Variants in NIBAN1 observed in about 807,000 individuals in gnomAD.
The protein encoded by NIBAN1 is protein Niban 1.
In NIBAN1, 81 loss-of-function variants were observed where a neutral mutation model predicts 75.1. The ratio of observed to expected loss-of-function variants is 1.08; its 90% CI spans 0.90 to 1.30. NIBAN1 has a LOEUF of 1.30. NIBAN1 is among the 50% of genes most tolerant of loss of function. The pLI, the probability that NIBAN1 is intolerant of heterozygous loss-of-function variation, is 0.00. For synonymous variants in NIBAN1, 436 were observed against 424.8 expected (o/e 1.03, Z -0.32); for missense variants, 1,133 against 1,128.1 (o/e 1.00, Z -0.06).
At chr1:184,943,653 A>G (rs1656641689) in intron 1 of NIBAN1, among the ~76,000 whole-genome samples, 1 of 152,154 alleles carries the variant, frequency 6.6e-6, no homozygotes, top group Non-Finnish European at 1.5e-5. Flanking sequence ...ACTGCAAATT[A>G]TTGTTCAAAA....
At chr1:184,888,935 T>G (rs1354299013) in intron 4 of NIBAN1, among the ~76,000 whole-genome samples, 1 of 152,268 alleles carries the variant, frequency 6.6e-6, no homozygotes, top group Non-Finnish European at 1.5e-5. Context: ...ATGGTCCATG[T>G]ACCAATCCTG....
intron 5 of NIBAN1, among the ~76,000 whole-genome samples, chr1:184,870,581 G>A (rs546084148): frequency 2.0e-5 from 3 of 152,218 alleles, no homozygotes; most frequent in Non-Finnish European, 2.9e-5. Flanking sequence ...GTCATTTCCC[G>A]CAAGGTCAAG....
intron 1 of NIBAN1, among the ~76,000 whole-genome samples, chr1:184,964,626 C>T (rs1168795497): frequency 6.6e-6 from 1 of 152,150 alleles, no homozygotes; most frequent in Non-Finnish European, 1.5e-5. Context: ...ATGCAATGCT[C>T]TTAGCTCAGT....
At chr1:184,946,122 GT>G in intron 1 of NIBAN1, among the ~76,000 whole-genome samples, 1 of 152,280 alleles carries the variant, frequency 6.6e-6, no homozygotes, top group East Asian at 1.9e-4. Flanking sequence ...CATTCTAATG[GT>G]TATGTTAGGC....
At chr1:184,957,199 T>C (rs1300885800) in intron 1 of NIBAN1, among the ~76,000 whole-genome samples, 2 of 152,258 alleles carry the variant, frequency 1.3e-5, no homozygotes, top group Non-Finnish European at 2.9e-5. Context: ...AGCACAGCAC[T>C]GGGGTTGCTC....
chr1:184,839,617 C>T (rs573819094), intron 5 of NIBAN1, among the ~76,000 whole-genome samples: 4 of 149,926 alleles, frequency 2.7e-5, no homozygotes, highest in South Asian at 2.1e-4. Flanking sequence ...TTTTTTGAGA[C>T]GTAGTTTCAC....
rs578074111 is a variant in NIBAN1 at position 184,957,095 on chromosome 1, G to A, written c.55+17207C>T. On this transcript the variant is annotated intron_variant, in intron 1 of 13. Coordinates refer to ENST00000367511, the MANE Select transcript of NIBAN1 (RefSeq NM_052966.4). ...ACAACACAAAAAGACTCCCACCATC[G>A]CTGGTTTCAAGCTATCAATGTGATA... 8.5e-5 allele frequency among the ~76,000 whole-genome samples: 13 copies of A among 152,330 alleles called. No homozygotes were observed. In the South Asian group the frequency reaches 2.5e-3, roughly 29 times the overall value.
In NIBAN1 at chr1:184,845,938, C is replaced by T. The variant is rs1452998311; in HGVS notation, c.602-13976G>A. Among the ~76,000 whole-genome samples, 2 of 80,348 alleles carry T rather than the reference C, an allele frequency of 2.5e-5. 1 individual carries two copies. The highest frequency in any genetic ancestry group is 5.0e-5 in the Non-Finnish European group (2 of 40,208). 52.7% of individuals were successfully genotyped at this position (80,348 alleles called of 152,430 possible). The stretch of plus-strand genomic sequence containing the variant: ...GACCAGCTTAAGAAACGGCGCACCA[C>T]GAGACTATATCCCACACCTGGCTCA... On this transcript the variant is annotated intron_variant, in intron 5 of 13. Transcript: ENST00000367511.
intron 5 of NIBAN1, among the ~76,000 whole-genome samples, chr1:184,882,655 C>A (rs1309210936): frequency 6.6e-6 from 1 of 152,092 alleles, no homozygotes; most frequent in African/African-American, 2.4e-5. Flanking sequence ...TAAATGCAGG[C>A]TACATAACAT....
intron 1 of NIBAN1, among the ~76,000 whole-genome samples, chr1:184,907,236 G>A (rs564434628): frequency 2.0e-5 from 3 of 151,038 alleles, no homozygotes; most frequent in South Asian, 2.1e-4. Flanking sequence ...AAAAAATCAC[G>A]ACTTTCAGAT....
Position 184,967,458 on chromosome 1 carries a change from T to A in NIBAN1, c.55+6844A>T, listed in dbSNP as rs117757834. 3.6e-4 allele frequency among the ~76,000 whole-genome samples: 55 copies of A among 152,332 alleles called. 2 individuals are homozygous for A. The East Asian group carries it at 0.011, about 29-fold the overall frequency. On this transcript the variant is annotated intron_variant, in intron 1 of 13. Transcript: ENST00000367511. ...AAAATTAAAATTTCTGATTAGGAGA[T>A]TAAAGTTCACTGCCATGATTCACAC...
intron 1 of NIBAN1, among the ~76,000 whole-genome samples, chr1:184,913,668 T>C (rs1380166836): frequency 6.6e-6 from 1 of 152,186 alleles, no homozygotes; most frequent in Admixed American, 6.5e-5. Context: ...CAAACCAACA[T>C]TCAATAATAT....
chr1:184,881,500 G>A (rs1219791901), intron 5 of NIBAN1, among the ~76,000 whole-genome samples: 1 of 152,138 alleles, frequency 6.6e-6, no homozygotes, highest in Non-Finnish European at 1.5e-5. Flanking sequence ...TACAGGAAAG[G>A]GGTCCCGATC....
chr1:184,897,934 C>T lies in NIBAN1; in HGVS notation c.186+1245G>A, dbSNP rs1656842950. On this transcript the variant is annotated intron_variant, in intron 2 of 13. Transcript: ENST00000367511. Reference sequence around the variant, plus strand: ...CTCAGATGCTACAGTATCCTGCTCCCCAGTTTCCATTCTCCCCTCTCGCCC... The same window carrying T: ...CTCAGATGCTACAGTATCCTGCTCCTCAGTTTCCATTCTCCCCTCTCGCCC... Among the ~76,000 whole-genome samples, 11 of 152,298 alleles carry T rather than the reference C, an allele frequency of 7.2e-5. No homozygotes were observed. The South Asian group carries it at 2.3e-3, about 32-fold the overall frequency.
intron 5 of NIBAN1, among the ~76,000 whole-genome samples, chr1:184,864,197 G>A (rs755899743): frequency 1.3e-5 from 2 of 151,956 alleles, no homozygotes; most frequent in Non-Finnish European, 2.9e-5. Flanking sequence ...GGTTTCCTAC[G>A]GACAATAATG....
chr1:184,867,378 T>C (rs1184404574), intron 5 of NIBAN1, among the ~76,000 whole-genome samples: 1 of 152,210 alleles, frequency 6.6e-6, no homozygotes, highest in Non-Finnish European at 1.5e-5. Context: ...ACCACCTATG[T>C]TCTTAGCAAG....
intron 1 of NIBAN1, among the ~76,000 whole-genome samples, chr1:184,936,022 A>G (rs1246493266): frequency 1.1e-5 from 1 of 91,380 alleles, no homozygotes; most frequent in South Asian, 3.9e-4. Context: ...GTGATAGATG[A>G]AAAAAAAAAA....
At chr1:184,853,973 C>G (rs894396834) in intron 5 of NIBAN1, among the ~76,000 whole-genome samples, 1 of 151,578 alleles carries the variant, frequency 6.6e-6, no homozygotes, top group South Asian at 2.1e-4. Flanking sequence ...TTATAGTAGC[C>G]ATATCAAAAA....
Position 184,935,744 on chromosome 1 carries a change from A to G in NIBAN1, c.56-36435T>C, listed in dbSNP as rs1446738222. Reference sequence around the variant, plus strand: ...GGAAAAAGAAAGCCTAGTTGGGTAAATTTCAAGGTCTGAATCTAGGGACAC... The same window carrying G: ...GGAAAAAGAAAGCCTAGTTGGGTAAGTTTCAAGGTCTGAATCTAGGGACAC... On this transcript the variant is annotated intron_variant, in intron 1 of 13. Coordinates refer to ENST00000367511, the MANE Select transcript of NIBAN1 (RefSeq NM_052966.4). 2.0e-5 allele frequency among the ~76,000 whole-genome samples: 3 copies of G among 151,768 alleles called. No homozygotes were observed. In the East Asian group the frequency reaches 5.8e-4, roughly 29 times the overall value.
Sources: gnomAD v4.1 joint callset for allele counts (sites outside exome capture counted in the v4.1 genomes callset) on GRCh38, gnomAD v4.1.1 for gene constraint, MANE v1.5 for transcripts, NCBI Gene and HGNC (gene_info 2026-07-23, HGNC 2026-07-21) for gene names.